Variants in IL1RAP observed in about 807,000 individuals in gnomAD.
The protein encoded by IL1RAP is interleukin-1 receptor accessory protein.
A neutral mutation model predicts 60.7 loss-of-function variants in IL1RAP; 35 were observed. The observed-to-expected ratio is 0.58, with a 90% CI of 0.44 to 0.76. The LOEUF (loss-of-function observed/expected upper bound fraction) is 0.76. Among genes scored for constraint, IL1RAP ranks in the 30% least tolerant of loss-of-function variants. IL1RAP has a pLI of 0.00. For synonymous variants in IL1RAP, 268 were observed against 250.9 expected, an observed-to-expected ratio of 1.07 and a Z score of -0.64; for missense variants, 572 against 693.9, an observed-to-expected ratio of 0.82 and a Z score of 1.97.
At chr3:190,631,458 A>G (rs1234511991) in intron 9 of IL1RAP, among the ~76,000 whole-genome samples, 1 of 152,198 alleles carries the variant, frequency 6.6e-6, no homozygotes, top group Non-Finnish European at 1.5e-5. Context: ...CTGTGCTGAA[A>G]GCTGATATAA....
rs907333088 is a variant in IL1RAP, at chr3:190,525,660, T to C, written c.-89+11441T>C. Among the ~76,000 whole-genome samples the C allele has an allele frequency of 6.6e-5, 10 of 152,360 alleles. No homozygotes were observed. The East Asian group carries it at 1.9e-3, about 29-fold the overall frequency. Reference sequence around the variant, plus strand: ...AGATGAGAAAGACAATTTGGTTTCATTGATGTTTCATTCATAGGCTCTCGT... The same window carrying C: ...AGATGAGAAAGACAATTTGGTTTCACTGATGTTTCATTCATAGGCTCTCGT... On this transcript the variant is annotated intron_variant, in intron 1 of 11. Coordinates refer to ENST00000447382, the MANE Select transcript of IL1RAP (RefSeq NM_002182.4).
chr3:190,627,184 G>A, intron 7 of IL1RAP, 139 bp from the exon 8 acceptor site: 1 of 674,300 alleles, frequency 1.5e-6, no homozygotes. Flanking sequence ...CGTAGCTTCT[G>A]ATTAGCCAGA....
chr3:190,625,928 G>C (rs1732224109), intron 7 of IL1RAP, among the ~76,000 whole-genome samples: 1 of 152,188 alleles, frequency 6.6e-6, no homozygotes, highest in South Asian at 2.1e-4. Flanking sequence ...GTGACATACA[G>C]ATAGGGAAAA....
At chr3:190,608,828 C>CAATTCGTG (rs11282063) in intron 4 of IL1RAP, among the ~76,000 whole-genome samples, 167 bp from the exon 5 acceptor site, 87,511 of 151,280 alleles carry the variant, frequency 0.58, 28,142 homozygotes, top group East Asian at 0.81. Context: ...TCTGTGATGT[C>CAATTCGTG]AATTCGTGTA....
chr3:190,620,604 T>G (rs1392768948), intron 6 of IL1RAP, among the ~76,000 whole-genome samples, 164 bp downstream of exon 6: 2 of 152,182 alleles, frequency 1.3e-5, no homozygotes, highest in Non-Finnish European at 2.9e-5. Flanking sequence ...ATGCACATCG[T>G]AAGCATTCAG....
intron 2 of IL1RAP, among the ~76,000 whole-genome samples, chr3:190,559,345 T>C (rs564718874): frequency 6.6e-6 from 1 of 152,288 alleles, no homozygotes; most frequent in South Asian, 2.1e-4. Flanking sequence ...TTTTGGTTTC[T>C]TTATTTTTCT....
downstream of IL1RAP, among the ~76,000 whole-genome samples, chr3:190,652,193 G>A (rs1340352412): frequency 1.3e-5 from 2 of 151,994 alleles, no homozygotes; most frequent in Non-Finnish European, 2.9e-5. Flanking sequence ...GGCCAGGCGC[G>A]GTGGCTCACG....
At chr3:190,633,807 T>C (rs2108830064) in intron 9 of IL1RAP, among the ~76,000 whole-genome samples, 1 of 152,344 alleles carries the variant, frequency 6.6e-6, no homozygotes, top group East Asian at 1.9e-4. Context: ...CTTGATTGTG[T>C]CACCCATCAT....
At chr3:190,645,586 T>G (rs1211094670) in intron 10 of IL1RAP, 113 bp from the exon 11 acceptor site, 2 of 827,782 alleles carry the variant, frequency 2.4e-6, no homozygotes, top group Non-Finnish European at 1.9e-6. Flanking sequence ...AAAATCGCAC[T>G]GGAATCTGTC....
chr3:190,592,125 T>G (rs952947828), intron 3 of IL1RAP, among the ~76,000 whole-genome samples: 1 of 152,192 alleles, frequency 6.6e-6, no homozygotes, highest in South Asian at 2.1e-4. Context: ...GGTCAAGTGA[T>G]TCTCTTACCT....
In IL1RAP at chr3:190,608,980, T is replaced by G; in HGVS notation, c.351-15T>G. The G allele has an allele frequency of 6.2e-7, 1 of 1,605,048 alleles. No homozygotes were observed. Among genetic ancestry groups the G allele is most frequent in the Non-Finnish European group, 8.5e-7 (1 of 1,174,106 alleles). On this transcript the variant is annotated splice_polypyrimidine_tract_variant and intron_variant, in intron 4 of 11. Transcript: ENST00000447382. ...ATGCAAATACTACCCATTCATTGTA[T>G]ATTTCTTTTTTCAGGAACACTACAT...
intron 9 of IL1RAP, among the ~76,000 whole-genome samples, chr3:190,633,897 C>T (rs1483925905): frequency 6.6e-6 from 1 of 152,144 alleles, no homozygotes; most frequent in Admixed American, 6.5e-5. Context: ...TTTTGGACCT[C>T]CAGTACAATG....
intron 3 of IL1RAP, among the ~76,000 whole-genome samples, chr3:190,598,259 T>C (rs544222672): frequency 6.6e-5 from 10 of 152,228 alleles, no homozygotes; most frequent in African/African-American, 2.2e-4. Context: ...TCTTATTTTA[T>C]CTAGACAACA....
At chr3:190,536,688 G>A (rs560849469) in intron 1 of IL1RAP, among the ~76,000 whole-genome samples, 1 of 152,230 alleles carries the variant, frequency 6.6e-6, no homozygotes, top group African/African-American at 2.4e-5. Context: ...TAAAAATGAT[G>A]TATAATAGAT....
intron 3 of IL1RAP, among the ~76,000 whole-genome samples, chr3:190,602,674 T>C (rs1320731100): frequency 6.6e-6 from 1 of 152,206 alleles, no homozygotes; most frequent in Admixed American, 6.5e-5. Flanking sequence ...CACTATTCCA[T>C]TGGATGTAAT....
intron 1 of IL1RAP, among the ~76,000 whole-genome samples, chr3:190,538,958 A>T (rs532198988): frequency 1.3e-5 from 2 of 152,156 alleles, no homozygotes; most frequent in Admixed American, 6.5e-5. Flanking sequence ...CTCCCCAGCC[A>T]TGCTGATTTG....
intron 2 of IL1RAP, among the ~76,000 whole-genome samples, chr3:190,563,101 G>C (rs911778804): frequency 9.9e-5 from 15 of 152,198 alleles, no homozygotes; most frequent in Middle Eastern, 3.4e-3. Context: ...TATATCTTTT[G>C]TTATAATTTA....
chr3:190,560,273 C>T (rs1174067601), intron 2 of IL1RAP, among the ~76,000 whole-genome samples: 1 of 152,220 alleles, frequency 6.6e-6, no homozygotes, highest in East Asian at 1.9e-4. Context: ...GATTTGACTA[C>T]AGGGTTGACC....
chr3:190,619,984 TA>T (rs1731632765), intron 5 of IL1RAP, among the ~76,000 whole-genome samples: 1 of 152,194 alleles, frequency 6.6e-6, no homozygotes, highest in Non-Finnish European at 1.5e-5. Context: ...AACTTTGCTT[TA>T]CTATCAACAT....
Sources: gnomAD v4.1 joint callset for allele counts (sites outside exome capture counted in the v4.1 genomes callset) on GRCh38, gnomAD v4.1.1 for gene constraint, MANE v1.5 for transcripts, NCBI Gene and HGNC (gene_info 2026-07-23, HGNC 2026-07-21) for gene names.